DST: variants seen among roughly 807,000 people sequenced by gnomAD.
The protein encoded by DST is bullous pemphigoid antigen.
Under a neutral mutation model 875.2 loss-of-function variants are expected in DST, and 253 were observed. The ratio of observed to expected loss-of-function variants is 0.29; its 90% confidence interval spans 0.26 to 0.32. The LOEUF is 0.32. Among genes scored for constraint, DST ranks in the 10% least tolerant of loss-of-function variants. DST has a pLI of 1.00. For synonymous variants in DST, 3,124 were observed against 3,197.1 expected, an observed-to-expected ratio of 0.98 and a Z score of 0.77; for missense variants, 8,287 against 9,111.6, an observed-to-expected ratio of 0.91 and a Z score of 3.68.
At chr6:56,809,525 C>A (rs1218636980) in intron 4 of DST, among the ~76,000 whole-genome samples, 2 of 149,416 alleles carry the variant, frequency 1.3e-5, no homozygotes, top group African/African-American at 5.1e-5. Context: ...CATTAGAAAC[C>A]AAAGAAATTA....
At chr6:56,502,037 T>C (rs903452533) in intron 78 of DST, among the ~76,000 whole-genome samples, 1 of 152,054 alleles carries the variant, frequency 6.6e-6, no homozygotes, top group Non-Finnish European at 1.5e-5. Flanking sequence ...CAAAAGAAAA[T>C]GAAACATATG....
intron 7 of DST, among the ~76,000 whole-genome samples, chr6:56,702,378 TATAC>T (rs1178740297): frequency 6.7e-6 from 1 of 149,188 alleles, no homozygotes; most frequent in Non-Finnish European, 1.5e-5. Flanking sequence ...TATAACTGTA[TATAC>T]ACACACACAC....
At chr6:56,822,170 C>A (rs1366694094) in intron 4 of DST, among the ~76,000 whole-genome samples, 1 of 152,196 alleles carries the variant, frequency 6.6e-6, no homozygotes, top group African/African-American at 2.4e-5. Context: ...TTATTCTCCA[C>A]TGTAAATAAC....
chr6:56,699,653 C>G lies in DST; in HGVS notation c.1047G>C (p.Gln349His). Residue 349 changes from glutamine (Q) to histidine (H), a missense_variant and splice_region_variant, in exon 9 of 104, where the codon CAG (glutamine) becomes CAC (histidine). By Grantham distance (24) the Gln-to-His change is conservative. Coordinates refer to ENST00000680361, the MANE Select transcript of DST (RefSeq NM_001374736.1). ...TGAAATTAAGAAAATTTGGGCTTACCTGAAAGTGCAAAATTATTGTCCAGA... is the reference window on the plus strand; with the variant it reads ...TGAAATTAAGAAAATTTGGGCTTACGTGAAAGTGCAAAATTATTGTCCAGA... ...GLIWTIILHF[Q>H]ISDIHVTGES... 6.6e-7 allele frequency: 1 copy of G among 1,512,378 alleles called. No homozygotes were observed. Among genetic ancestry groups the G allele is most frequent in the Non-Finnish European group, 8.9e-7 (1 of 1,127,516 alleles). 93.7% of individuals were successfully genotyped at this position (1,512,378 alleles called of 1,614,324 possible). A position where few individuals can be genotyped will look rare whatever the true frequency, so the allele number is the denominator to read the frequency against.
intron 4 of DST, among the ~76,000 whole-genome samples, chr6:56,781,129 C>T (rs2099692813): frequency 6.6e-6 from 1 of 152,146 alleles, no homozygotes; most frequent in Non-Finnish European, 1.5e-5. Flanking sequence ...TTACTGTAGC[C>T]TTGTAGTATT....
intron 98 of DST, chr6:56,467,427 CTT>C (rs1483172935): frequency 6.6e-6 from 1 of 151,248 alleles, no homozygotes. Context: ...TTCCATCAAA[CTT>C]TTAAAAACCA....
At chr6:56,619,863 C>T (rs1309543136) in intron 36 of DST, 5 of 1,613,994 alleles carry the variant, frequency 3.1e-6, no homozygotes, top group Non-Finnish European at 4.2e-6. Context: ...AGCTGGAGGG[C>T]ATTAAGTTCA....
intron 85 of DST, among the ~76,000 whole-genome samples, chr6:56,490,948 AG>A (rs1474711905): frequency 6.6e-6 from 1 of 152,224 alleles, no homozygotes; most frequent in Admixed American, 6.5e-5. Flanking sequence ...AAATCGAGAA[AG>A]GAGGAAAAAG....
chr6:56,774,500 T>G (rs1240807998), intron 4 of DST, among the ~76,000 whole-genome samples: 1 of 152,246 alleles, frequency 6.6e-6, no homozygotes, highest in Non-Finnish European at 1.5e-5. Flanking sequence ...ATTCAACACA[T>G]ATCAGTTCAA....
chr6:56,801,404 T>A (rs2099746660), intron 4 of DST, among the ~76,000 whole-genome samples: 1 of 152,216 alleles, frequency 6.6e-6, no homozygotes, highest in Admixed American at 6.5e-5. Flanking sequence ...TATCTGAGAA[T>A]ATCTAATAAG....
At chr6:56,947,936 A>ATGTT (rs1820511252) in intron 2 of DST, among the ~76,000 whole-genome samples, 1 of 152,220 alleles carries the variant, frequency 6.6e-6, no homozygotes, top group Non-Finnish European at 1.5e-5. Flanking sequence ...TATACATACT[A>ATGTT]TGTTTTTTTC....
intron 5 of DST, among the ~76,000 whole-genome samples, chr6:56,728,964 TAAA>T (rs893756499): frequency 3.6e-5 from 5 of 139,628 alleles, no homozygotes; most frequent in Non-Finnish European, 6.2e-5. Flanking sequence ...GTGGTTCAGA[TAAA>T]AAAAGTACAC....
chr6:56,494,727 T>C (rs1260043412), intron 82 of DST, among the ~76,000 whole-genome samples: 3 of 152,160 alleles, frequency 2.0e-5, no homozygotes, highest in Non-Finnish European at 4.4e-5. Context: ...TGAATATTAT[T>C]CTCATTTAGA....
At chr6:56,468,119 A>G (rs1310724121) in intron 98 of DST, among the ~76,000 whole-genome samples, 1 of 152,036 alleles carries the variant, frequency 6.6e-6, no homozygotes, top group Non-Finnish European at 1.5e-5. Context: ...ATCTAATGTA[A>G]TATGGTCAGA....
At chr6:56,645,385 T>C (rs1479579227) in intron 15 of DST, among the ~76,000 whole-genome samples, 1 of 152,178 alleles carries the variant, frequency 6.6e-6, no homozygotes, top group Admixed American at 6.5e-5. Context: ...TGTAGAAGCG[T>C]GGCAGAAAGG....
intron 9 of DST, among the ~76,000 whole-genome samples, chr6:56,691,363 C>T (rs946029256): frequency 1.3e-5 from 2 of 151,976 alleles, no homozygotes; most frequent in Non-Finnish European, 2.9e-5. Flanking sequence ...CAAGGTGTAG[C>T]GGTGTATATA....
intron 62 of DST, among the ~76,000 whole-genome samples, chr6:56,535,616 T>C (rs1413918608): frequency 6.6e-6 from 1 of 152,190 alleles, no homozygotes; most frequent in African/African-American, 2.4e-5. Flanking sequence ...AAACAGCACA[T>C]TAGTCATTTT....
chr6:56,720,349 C>CTTTTTTTTTTTTTTTTTTTTTT (rs386407172), intron 5 of DST, among the ~76,000 whole-genome samples: 1 of 130,232 alleles, frequency 7.7e-6, no homozygotes, highest in Non-Finnish European at 1.7e-5. Context: ...TTATCCTGTT[C>CTTTTTTTTTTTTTTTTTTTTTT]TTTTTTTTTT....
chr6:56,801,868 G>A (rs2099747571), intron 4 of DST, among the ~76,000 whole-genome samples: 1 of 151,018 alleles, frequency 6.6e-6, no homozygotes, highest in Non-Finnish European at 1.5e-5. Context: ...TCCTGACTCA[G>A]CCTCCCGAGG....
Sources: gnomAD v4.1 joint callset for allele counts (sites outside exome capture counted in the v4.1 genomes callset) on GRCh38, gnomAD v4.1.1 for gene constraint, MANE v1.5 for transcripts, NCBI Gene and HGNC (gene_info 2026-07-23, HGNC 2026-07-21) for gene names.